Variants in AGBL4 observed in about 807,000 individuals in gnomAD.
AGBL4 encodes the protein cytosolic carboxypeptidase 6.
A neutral mutation model predicts 66.4 loss-of-function variants in AGBL4; 58 were observed. That is an observed-to-expected ratio of 0.87 (90% CI 0.71 to 1.09). The LOEUF (loss-of-function observed/expected upper bound fraction) is 1.09, where lower values mean the gene tolerates loss of function less well. Among genes scored for constraint, AGBL4 ranks in the 50% least tolerant of loss-of-function variants. The probability of loss-of-function intolerance (pLI) is 0.00; values close to 1 mark genes in which losing one functional copy is unlikely to be tolerated. For missense variants in AGBL4, 579 were observed against 631.0 expected (o/e 0.92, Z 0.88); for synonymous variants, 234 against 222.9 (o/e 1.05, Z -0.44).
At chr1:49,595,059 C>A (rs1644826170) in intron 3 of AGBL4, among the ~76,000 whole-genome samples, 1 of 152,118 alleles carries the variant, frequency 6.6e-6, no homozygotes, top group Admixed American at 6.5e-5. Context: ...CAATAATCAC[C>A]ATTCTGATTG....
intron 6 of AGBL4, among the ~76,000 whole-genome samples, chr1:48,713,789 C>A (rs1280462809): frequency 6.6e-6 from 1 of 152,148 alleles, no homozygotes; most frequent in Non-Finnish European, 1.5e-5. Flanking sequence ...GCCTGCTATT[C>A]CCTCTCATCT....
At chr1:48,830,930 A>C (rs372376416) in intron 6 of AGBL4, among the ~76,000 whole-genome samples, 2 of 152,336 alleles carry the variant, frequency 1.3e-5, no homozygotes, top group East Asian at 1.9e-4. Context: ...TGAACAAGAC[A>C]AACAAGGTCC....
chr1:48,882,017 G>C (rs1349116625), intron 5 of AGBL4, among the ~76,000 whole-genome samples: 1 of 152,224 alleles, frequency 6.6e-6, no homozygotes, highest in African/African-American at 2.4e-5. Context: ...GGGAGGCTGA[G>C]GTGGGAGGAT....
At chr1:48,756,114 A>C (rs962674015) in intron 6 of AGBL4, among the ~76,000 whole-genome samples, 1 of 152,206 alleles carries the variant, frequency 6.6e-6, no homozygotes, top group Non-Finnish European at 1.5e-5. Flanking sequence ...GTGTGTCACA[A>C]GGCTGTAATA....
At chr1:49,520,139 C>A (rs979482637) in intron 3 of AGBL4, among the ~76,000 whole-genome samples, 4 of 152,002 alleles carry the variant, frequency 2.6e-5, no homozygotes, top group Admixed American at 1.3e-4. Flanking sequence ...ACTCTTTATT[C>A]TAATGATCTT....
intron 3 of AGBL4, among the ~76,000 whole-genome samples, chr1:49,508,976 C>T (rs1471998468): frequency 6.6e-6 from 1 of 151,754 alleles, no homozygotes; most frequent in African/African-American, 2.4e-5. Flanking sequence ...GCTTAAAGTA[C>T]TTATCATCTA....
At chr1:49,674,978 G>A (rs1045237866) in intron 3 of AGBL4, among the ~76,000 whole-genome samples, 1 of 152,136 alleles carries the variant, frequency 6.6e-6, no homozygotes, top group Non-Finnish European at 1.5e-5. Context: ...AAATTAGAAT[G>A]CCTGGGGATT....
At chr1:49,725,341 A>G (rs555222460) in intron 2 of AGBL4, among the ~76,000 whole-genome samples, 1 of 152,310 alleles carries the variant, frequency 6.6e-6, no homozygotes, top group South Asian at 2.1e-4. Flanking sequence ...AATTGTTTCA[A>G]ATCTATAAAA....
chr1:48,922,666 T>C (rs1271182834), intron 5 of AGBL4, among the ~76,000 whole-genome samples: 1 of 152,224 alleles, frequency 6.6e-6, no homozygotes, highest in Non-Finnish European at 1.5e-5. Flanking sequence ...CAGGTGATAC[T>C]TGAATAGCTA....
chr1:49,923,458 TAA>T (rs1381686638), intron 1 of AGBL4, among the ~76,000 whole-genome samples: 1 of 151,350 alleles, frequency 6.6e-6, no homozygotes, highest in Non-Finnish European at 1.5e-5. Flanking sequence ...AAAAAAAAAA[TAA>T]GTGTGACCTA....
intron 3 of AGBL4, among the ~76,000 whole-genome samples, chr1:49,574,876 A>T (rs1161712080): frequency 1.3e-5 from 2 of 151,968 alleles, no homozygotes; most frequent in African/African-American, 2.4e-5. Context: ...TCTTTATACA[A>T]GCAGAAGACT....
intron 1 of AGBL4, among the ~76,000 whole-genome samples, chr1:49,973,598 T>C (rs1658315192): frequency 6.7e-6 from 1 of 148,514 alleles, no homozygotes; most frequent in Admixed American, 6.8e-5. Flanking sequence ...ATCCTATATA[T>C]TGTTATATAT....
intron 5 of AGBL4, among the ~76,000 whole-genome samples, chr1:48,912,483 A>G (rs1444433527): frequency 3.9e-5 from 6 of 152,258 alleles, no homozygotes; most frequent in African/African-American, 1.4e-4. Flanking sequence ...CCATTGGGTT[A>G]TGTTGTCCAG....
At chr1:49,048,776 TA>T (rs1239117832) in intron 4 of AGBL4, among the ~76,000 whole-genome samples, 1 of 150,322 alleles carries the variant, frequency 6.7e-6, no homozygotes, top group Non-Finnish European at 1.5e-5. Context: ...TCCCTTTACA[TA>T]GATAAAAAAA....
At chr1:49,694,567 T>C (rs1646949082) in intron 3 of AGBL4, among the ~76,000 whole-genome samples, 1 of 152,132 alleles carries the variant, frequency 6.6e-6, no homozygotes, top group South Asian at 2.1e-4. Context: ...AGGGAAAATA[T>C]TGGTCCCTTC....
chr1:49,115,767 C>A (rs1645506704), intron 4 of AGBL4, among the ~76,000 whole-genome samples: 1 of 151,650 alleles, frequency 6.6e-6, no homozygotes, highest in Non-Finnish European at 1.5e-5. Flanking sequence ...AGATACAAAT[C>A]CCCCCCCATT....
chr1:49,025,033 G>A (rs572773697), intron 5 of AGBL4, among the ~76,000 whole-genome samples: 1 of 152,330 alleles, frequency 6.6e-6, no homozygotes, highest in South Asian at 2.1e-4. Context: ...GGCACGAAGA[G>A]TTTGAGTAAC....
At chr1:49,679,790 T>A (rs959888571) in intron 3 of AGBL4, among the ~76,000 whole-genome samples, 12 of 152,162 alleles carry the variant, frequency 7.9e-5, no homozygotes, top group African/African-American at 2.7e-4. Context: ...ACATAACTTA[T>A]CATAGTCTAC....
chr1:49,606,328 A>G (rs1381122610), intron 3 of AGBL4, among the ~76,000 whole-genome samples: 1 of 152,130 alleles, frequency 6.6e-6, no homozygotes, highest in Non-Finnish European at 1.5e-5. Context: ...AAATGATGCT[A>G]TATCTAAAGA....
Sources: allele counts gnomAD v4.1 joint callset (sites outside exome capture counted in the v4.1 genomes callset), GRCh38; gene constraint gnomAD v4.1.1; transcripts MANE v1.5; gene names NCBI Gene and HGNC (gene_info 2026-07-23, HGNC 2026-07-21).